The following MMP7 variants were observed in gnomAD, a reference collection of about 807,000 sequenced individuals.
MMP7 encodes matrilysin.
In MMP7, 26 loss-of-function variants were observed where a neutral mutation model predicts 31.5. The ratio of observed to expected loss-of-function variants is 0.83; its 90% CI spans 0.61 to 1.15. MMP7 has a LOEUF of 1.15. MMP7 is among the 50% of genes most tolerant of loss of function. MMP7 has a pLI of 0.00. For missense variants in MMP7, 367 were observed against 326.5 expected (o/e 1.12, Z -0.96); for synonymous variants, 142 against 124.2 (o/e 1.14, Z -0.95).
chr11:102,523,047 A>G (rs1393261330), intron 5 of MMP7, among the ~76,000 whole-genome samples, 193 bp downstream of exon 5: 1 of 152,178 alleles, frequency 6.6e-6, no homozygotes, highest in African/African-American at 2.4e-5. Context: ...ACTCACAATC[A>G]ACATCTTCAT....
rs1349762844 is a variant in MMP7, at chr11:102,522,841, C to T, written c.775+399G>A. Among the ~76,000 whole-genome samples the T allele has an allele frequency of 2.0e-5, 3 of 152,298 alleles. No homozygotes were observed. In the East Asian group the frequency reaches 5.8e-4, roughly 29 times the overall value. ...CGTGCAAACAGGAAGAGCAGGGTCA[C>T]TTATAATTATCTAGGATTGAATCCT... On this transcript the variant is annotated intron_variant, in intron 5 of 5. Transcript: ENST00000260227.
chr11:102,529,146 G>T (rs1457341631), intron 1 of MMP7, among the ~76,000 whole-genome samples: 1 of 152,094 alleles, frequency 6.6e-6, no homozygotes, highest in Admixed American at 6.5e-5. Flanking sequence ...TGGAGTAGAT[G>T]GTAATGGTTA....
intron 3 of MMP7, among the ~76,000 whole-genome samples, chr11:102,526,597 T>G (rs1858675348): frequency 6.6e-6 from 1 of 152,172 alleles, no homozygotes; most frequent in Non-Finnish European, 1.5e-5. Flanking sequence ...CCTTGCCACA[T>G]GAAAGGCATT....
intron 3 of MMP7, among the ~76,000 whole-genome samples, chr11:102,526,819 G>A (rs1858677647): frequency 6.6e-6 from 1 of 152,160 alleles, no homozygotes; most frequent in African/African-American, 2.4e-5. Context: ...TGATATAGTA[G>A]TTGTGATAAT....
chr11:102,529,227 T>A (rs1306225592), intron 1 of MMP7, among the ~76,000 whole-genome samples: 1 of 152,228 alleles, frequency 6.6e-6, no homozygotes, highest in Non-Finnish European at 1.5e-5. Flanking sequence ...CTTTTTTTCC[T>A]GTTACCAACA....
At chr11:102,530,306 C>T (rs1858721111) in intron 1 of MMP7, among the ~76,000 whole-genome samples, 2 of 152,214 alleles carry the variant, frequency 1.3e-5, no homozygotes, top group Non-Finnish European at 1.5e-5. Context: ...CCATTCTTAT[C>T]TCCAACTTCC....
chr11:102,524,973 G>C lies in MMP7; in HGVS notation c.576C>G (p.Phe192Leu), dbSNP rs768791156. Reference sequence around the variant, plus strand: ...CATCCGTCCAGCGTTCATCCTCATCGAAGTGAGCATCTCCTCCGAGACCTG... The same window carrying C: ...CATCCGTCCAGCGTTCATCCTCATCCAAGTGAGCATCTCCTCCGAGACCTG... ...PGTGLGGDAHFDEDERWTDGS... is the reference protein window; with the variant it reads ...PGTGLGGDAHLDEDERWTDGS... The change falls in exon 4 of 6, where the codon TTC becomes TTG. Residue 192 changes from phenylalanine (F) to leucine (L), a missense_variant. Coordinates refer to ENST00000260227, the MANE Select transcript of MMP7 (RefSeq NM_002423.5). 3.7e-6 allele frequency: 6 copies of C among 1,613,886 alleles called. No homozygotes were observed. The highest frequency in any genetic ancestry group is 1.7e-5 in the Admixed American group (1 of 59,992).
rs59390667 is a variant in MMP7, at chr11:102,526,241, T to TATA, written c.485-1178_485-1177insTAT. Among the ~76,000 whole-genome samples the TATA allele has an allele frequency of 2.7e-3, 323 of 120,710 alleles. 1 individual carries two copies. The highest frequency in any genetic ancestry group is 7.2e-3 in the African/African-American group (227 of 31,608). The allele number at this position is 120,710 out of a possible 152,430, so 79.2% of individuals were successfully genotyped here. On this transcript the variant is annotated intron_variant, in intron 3 of 5. Transcript: ENST00000260227. Reference sequence around the variant, plus strand: ...AAAAAAAAAAATATATATATATATATTTTTTTTTTTTCTTTTGAGACATAG... The same window carrying TATA: ...AAAAAAAAAAATATATATATATATATATATTTTTTTTTTTCTTTTGAGACATAG...
In MMP7 at chr11:102,530,580, G is replaced by A; in HGVS notation, c.108+13C>T. ...AAAAGAATGGAACCCTAAGTAAGTGGGCTGTGACATACCTGAGCCTGTTCC... is the reference window on the plus strand; with the variant it reads ...AAAAGAATGGAACCCTAAGTAAGTGAGCTGTGACATACCTGAGCCTGTTCC... On this transcript the variant is annotated intron_variant, in intron 1 of 5. Coordinates refer to ENST00000260227, the MANE Select transcript of MMP7 (RefSeq NM_002423.5). 2 of 1,599,922 alleles carry A rather than the reference G, an allele frequency of 1.3e-6. No individual in the cohort carries two copies. The highest frequency in any genetic ancestry group is 8.6e-7 in the Non-Finnish European group (1 of 1,167,168).
At chr11:102,526,262 C>T (rs1858672083) in intron 3 of MMP7, among the ~76,000 whole-genome samples, 1 of 140,308 alleles carries the variant, frequency 7.1e-6, no homozygotes, top group East Asian at 2.1e-4. Flanking sequence ...TCTTTTGAGA[C>T]ATAGTCTTGC....
rs368676263 is a variant in MMP7 at position 102,525,036 on chromosome 11, C to T, written c.513G>A (p.Gly171=). Residue 171 remains glycine, a synonymous_variant, in exon 4 of 6, where the codon GGG becomes GGA. Transcript: ENST00000260227. ...AGGCATGAGCCAGCGTGTTTCCTGG[C>T]CCATCAAATGGGTAGGAGTCCCCAT... The part of the protein sequence containing the change: ...GAHGDSYPFD[G]PGNTLAHAFA... 6.2e-7 allele frequency: 1 copy of T among 1,612,910 alleles called. No homozygotes were observed.
chr11:102,530,267 T>G (rs1858720736), intron 1 of MMP7, among the ~76,000 whole-genome samples: 1 of 152,228 alleles, frequency 6.6e-6, no homozygotes, highest in Non-Finnish European at 1.5e-5. Flanking sequence ...TTGTGTTGAA[T>G]GCTTCACAAC....
At chr11:102,523,170 A>G (rs1436862159) in intron 5 of MMP7, 70 bp downstream of exon 5, 2 of 1,278,676 alleles carry the variant, frequency 1.6e-6, no homozygotes, top group Admixed American at 2.0e-5. Flanking sequence ...CCCATTTCCC[A>G]GCCTTTCTTT....
At position 102,530,606 on chromosome 11, in the gene MMP7, C is replaced by A; in HGVS notation, c.95G>T (p.Trp32Leu). The A allele has an allele frequency of 6.2e-7, 1 of 1,613,782 alleles. No homozygotes were observed. Among genetic ancestry groups the A allele is most frequent in the South Asian group, 1.1e-5 (1 of 91,036 alleles). Residue 32 changes from tryptophan to leucine, a missense_variant, in exon 1 of 6, where the codon TGG becomes TTG. Trp to Leu is a moderately conservative substitution (Grantham distance 61). Coordinates refer to ENST00000260227, the MANE Select transcript of MMP7 (RefSeq NM_002423.5). ...GCTGTGACATACCTGAGCCTGTTCCCACTGTAGCTCACTCATGCCTCCCGC... is the reference window on the plus strand; with the variant it reads ...GCTGTGACATACCTGAGCCTGTTCCAACTGTAGCTCACTCATGCCTCCCGC... Reference protein sequence around the residue: ...QEAGGMSELQWEQAQDYLKRF... With the variant: ...QEAGGMSELQLEQAQDYLKRF...
chr11:102,522,705 G>A (rs1008535876), intron 5 of MMP7, among the ~76,000 whole-genome samples: 2 of 152,132 alleles, frequency 1.3e-5, no homozygotes, highest in Non-Finnish European at 2.9e-5. Context: ...ACTGAATTTG[G>A]AACTTGATTA....
intron 1 of MMP7, among the ~76,000 whole-genome samples, chr11:102,528,326 G>A (rs1275531088): frequency 1.3e-5 from 2 of 152,186 alleles, no homozygotes; most frequent in South Asian, 4.1e-4. Flanking sequence ...TCAGGGGTAC[G>A]ACTGGGACAT....
intron 2 of MMP7, 39 bp downstream of exon 2, chr11:102,527,718 T>C (rs1224204875): frequency 1.2e-6 from 2 of 1,613,546 alleles, no homozygotes; most frequent in East Asian, 2.2e-5. Flanking sequence ...GGAAACAGGC[T>C]TTATTGTTTT....
chr11:102,523,163 A>T, intron 5 of MMP7, 77 bp downstream of exon 5: 1 of 1,220,872 alleles, frequency 8.2e-7, no homozygotes, highest in Non-Finnish European at 1.1e-6. Context: ...GTAAATACCC[A>T]TTTCCCAGCC....
At chr11:102,521,354 C>T (rs920088834) in intron 5 of MMP7, among the ~76,000 whole-genome samples, 20 of 152,054 alleles carry the variant, frequency 1.3e-4, no homozygotes, top group African/African-American at 4.3e-4. Context: ...TGCACCTTCA[C>T]GCCCGGCTAA....
Sources: allele counts gnomAD v4.1 joint callset (sites outside exome capture counted in the v4.1 genomes callset), GRCh38; gene constraint gnomAD v4.1.1; transcripts MANE v1.5; gene names NCBI Gene and HGNC (gene_info 2026-07-23, HGNC 2026-07-21).